SPTLC1: variants seen among roughly 807,000 people sequenced by gnomAD.
SPTLC1 encodes serine palmitoyltransferase long chain base subunit 1.
SPTLC1 carries 55 observed loss-of-function variants against 68.9 expected under a neutral mutation model. That is an observed-to-expected ratio of 0.80 (90% CI 0.64 to 1.00). SPTLC1 has a LOEUF of 1.00. Among genes scored for constraint, SPTLC1 ranks in the 50% least tolerant of loss-of-function variants. The pLI is 0.00. For missense variants in SPTLC1, 449 were observed against 573.1 expected, an observed-to-expected ratio of 0.78 and a Z score of 2.21; for synonymous variants, 197 against 201.6, an observed-to-expected ratio of 0.98 and a Z score of 0.19.
At chr9:92,082,231 T>C (rs1460595600) in intron 3 of SPTLC1, among the ~76,000 whole-genome samples, 2 of 150,648 alleles carry the variant, frequency 1.3e-5, no homozygotes, top group African/African-American at 2.5e-5. Flanking sequence ...AGGGCTTCTC[T>C]ATTTTATTTT....
chr9:92,057,066 C>T (rs1006709600), intron 7 of SPTLC1, among the ~76,000 whole-genome samples: 6 of 152,204 alleles, frequency 3.9e-5, no homozygotes, highest in Non-Finnish European at 8.8e-5. Flanking sequence ...TCATACCACA[C>T]GGTGATAATT....
intron 3 of SPTLC1, among the ~76,000 whole-genome samples, chr9:92,087,899 C>G (rs1334639382): frequency 1.3e-5 from 2 of 152,250 alleles, no homozygotes; most frequent in Non-Finnish European, 2.9e-5. Context: ...TGGGCTCCAC[C>G]CAGTTCGAGC....
intron 12 of SPTLC1, among the ~76,000 whole-genome samples, chr9:92,045,336 C>G (rs910267778): frequency 6.6e-6 from 1 of 150,738 alleles, no homozygotes; most frequent in African/African-American, 2.4e-5. Flanking sequence ...CTGGAGATAT[C>G]ACCAACCTCC....
chr9:92,049,189 G>A (rs1291309435), intron 9 of SPTLC1, among the ~76,000 whole-genome samples: 1 of 152,164 alleles, frequency 6.6e-6, no homozygotes, highest in Non-Finnish European at 1.5e-5. Context: ...TATGGTTAGC[G>A]GGATGTCGAT....
intron 5 of SPTLC1, among the ~76,000 whole-genome samples, chr9:92,074,783 A>G (rs78765447): frequency 0.034 from 5,174 of 151,154 alleles, 157 homozygotes; most frequent in South Asian, 0.11. Context: ...TGTCCTCCCC[A>G]TTCATCCTGT....
intron 13 of SPTLC1, among the ~76,000 whole-genome samples, chr9:92,035,147 G>C (rs2118349757): frequency 6.6e-6 from 1 of 152,294 alleles, no homozygotes; most frequent in Non-Finnish European, 1.5e-5. Context: ...TATGGCTGGT[G>C]CTACTGAGAG....
At chr9:92,040,412 C>CA (rs202163001) in intron 12 of SPTLC1, among the ~76,000 whole-genome samples, 18 of 151,656 alleles carry the variant, frequency 1.2e-4, no homozygotes, top group Admixed American at 5.9e-4. Flanking sequence ...AAAAAAACAA[C>CA]AAAAAAAACT....
intron 7 of SPTLC1, among the ~76,000 whole-genome samples, chr9:92,056,621 G>A (rs1174250486): frequency 6.6e-6 from 1 of 152,184 alleles, no homozygotes; most frequent in Admixed American, 6.5e-5. Flanking sequence ...TGGTTCAGGT[G>A]TGTGGGACTG....
intron 14 of SPTLC1, among the ~76,000 whole-genome samples, chr9:92,033,243 G>T (rs1833033392): frequency 6.6e-6 from 1 of 152,214 alleles, no homozygotes; most frequent in Non-Finnish European, 1.5e-5. Context: ...CACAAAGCAG[G>T]AATTCCATCC....
At chr9:92,059,737 C>CA (rs1834021637) in intron 6 of SPTLC1, among the ~76,000 whole-genome samples, 1 of 152,178 alleles carries the variant, frequency 6.6e-6, no homozygotes, top group South Asian at 2.1e-4. Flanking sequence ...AACTTTTAGA[C>CA]AATGACTATT....
chr9:92,086,467 G>T (rs1178365369), intron 3 of SPTLC1, among the ~76,000 whole-genome samples: 1 of 152,090 alleles, frequency 6.6e-6, no homozygotes, highest in Non-Finnish European at 1.5e-5. Context: ...GCATTTGCTT[G>T]TCTGTAAAGT....
chr9:92,055,158 T>C, intron 8 of SPTLC1: 1 of 889,238 alleles, frequency 1.1e-6, no homozygotes, highest in Non-Finnish European at 1.3e-6. Flanking sequence ...CCCAGGAGGG[T>C]AAGGCTGCAG....
At chr9:92,075,861 CTAATCCACACAACTGTATTTCCT>C (rs1327094487) in intron 5 of SPTLC1, among the ~76,000 whole-genome samples, 2 of 152,190 alleles carry the variant, frequency 1.3e-5, no homozygotes, top group Non-Finnish European at 2.9e-5. Flanking sequence ...ACTACAAATC[CTAATCCACACAACTGTATTTCCT>C]TAATCCACAT....
Position 92,036,588 on chromosome 9 carries a change from A to G in SPTLC1, c.1254+1660T>C, listed in dbSNP as rs954187545. ...GGAGCCATTACTCAGACCCAACACCAGCGCATGCAGCTCATGAGCCTGCTC... is the reference window on the plus strand; with the variant it reads ...GGAGCCATTACTCAGACCCAACACCGGCGCATGCAGCTCATGAGCCTGCTC... On this transcript the variant is annotated intron_variant, in intron 13 of 14. Coordinates refer to ENST00000262554, the MANE Select transcript of SPTLC1 (RefSeq NM_006415.4). 4.6e-5 allele frequency among the ~76,000 whole-genome samples: 7 copies of G among 152,222 alleles called. No homozygotes were observed. The East Asian group carries it at 1.3e-3, about 29-fold the overall frequency.
intron 9 of SPTLC1, 57 bp from the exon 10 acceptor site, chr9:92,047,765 C>T: frequency 8.1e-7 from 1 of 1,234,560 alleles, no homozygotes; most frequent in Non-Finnish European, 1.2e-6. Flanking sequence ...AAAAGGCCAA[C>T]TTCAAGCCTA....
At chr9:92,059,329 C>T (rs977446468) in intron 6 of SPTLC1, 21 bp from the exon 7 acceptor site, 3 of 1,612,818 alleles carry the variant, frequency 1.9e-6, no homozygotes, top group African/African-American at 1.3e-5. Context: ...AAGAGATCCA[C>T]CAAATTGGGT....
intron 5 of SPTLC1, among the ~76,000 whole-genome samples, chr9:92,068,693 GT>G (rs1173670555): frequency 3.3e-5 from 5 of 152,300 alleles, no homozygotes; most frequent in Admixed American, 1.3e-4. Context: ...TAGATGCACT[GT>G]AAGGAGGATG....
At chr9:92,050,251 A>G in intron 8 of SPTLC1, 184 bp from the exon 9 acceptor site, 1 of 568,544 alleles carries the variant, frequency 1.8e-6, no homozygotes, top group South Asian at 2.0e-5. Flanking sequence ...TTTTCCTGTC[A>G]TCACGGATAT....
chr9:92,085,042 G>T (rs199998654), intron 3 of SPTLC1, among the ~76,000 whole-genome samples: 45,898 of 147,666 alleles, frequency 0.31, 9,626 homozygotes, highest in African/African-American at 0.62. Flanking sequence ...GGTGTTTGTA[G>T]TATTCTCTGA....
Sources: allele counts gnomAD v4.1 joint callset (sites outside exome capture counted in the v4.1 genomes callset), GRCh38; gene constraint gnomAD v4.1.1; transcripts MANE v1.5; gene names NCBI Gene and HGNC (gene_info 2026-07-23, HGNC 2026-07-21).